Variants in SOX6 observed in about 807,000 individuals in gnomAD.
SOX6 encodes the protein transcription factor SOX-6.
Under a neutral mutation model 97.8 loss-of-function variants are expected in SOX6, and 11 were observed. The observed-to-expected ratio is 0.11, with a 90% CI of 0.07 to 0.19. The LOEUF is 0.19. Ranked by LOEUF, SOX6 falls within the 10% of genes least tolerant of loss-of-function variation. The pLI is 1.00. For missense variants in SOX6, 810 were observed against 1,039.5 expected (o/e 0.78, Z 3.04); for synonymous variants, 360 against 371.4 (o/e 0.97, Z 0.35).
chr11:16,046,438 T>C (rs1425056550), intron 12 of SOX6, 76 bp downstream of exon 12: 2 of 1,529,920 alleles, frequency 1.3e-6, no homozygotes, highest in Non-Finnish European at 1.8e-6. Context: ...GGTTGATACC[T>C]GGGAGCCTGG....
At chr11:16,282,328 G>A (rs913275956) in intron 3 of SOX6, among the ~76,000 whole-genome samples, 3 of 151,304 alleles carry the variant, frequency 2.0e-5, no homozygotes, top group African/African-American at 7.3e-5. Context: ...GTCTTTATTG[G>A]AAAGAAATAC....
At chr11:16,567,179 T>C (rs2133196108) in intron 4 of SOX6, 1 of 152,380 alleles carries the variant, frequency 6.6e-6, no homozygotes, top group East Asian at 1.9e-4. Context: ...TGAAAATGTG[T>C]GGTGGGCTTA....
intron 12 of SOX6, among the ~76,000 whole-genome samples, chr11:16,035,485 T>G (rs775608168): frequency 2.6e-5 from 4 of 152,192 alleles, no homozygotes; most frequent in Non-Finnish European, 5.9e-5. Flanking sequence ...ATTATTATGT[T>G]CTTAAAACTG....
At chr11:16,266,625 A>G (rs1412934769) in intron 3 of SOX6, among the ~76,000 whole-genome samples, 1 of 151,612 alleles carries the variant, frequency 6.6e-6, no homozygotes, top group African/African-American at 2.4e-5. Context: ...TAGAATCCAA[A>G]TGTATAACAA....
At chr11:16,595,413 A>G (rs566273814) in intron 4 of SOX6, among the ~76,000 whole-genome samples, 2 of 152,150 alleles carry the variant, frequency 1.3e-5, no homozygotes, top group Non-Finnish European at 2.9e-5. Context: ...GAGCTTCCAA[A>G]CTAAAAATAT....
At chr11:16,132,342 G>A (rs867852915) in intron 6 of SOX6, among the ~76,000 whole-genome samples, 9 of 21,220 alleles carry the variant, frequency 4.2e-4, no homozygotes, top group African/African-American at 1.4e-3. Flanking sequence ...AAAGAAAAAA[G>A]AAAGAAAGAA....
At chr11:16,371,404 T>C (rs537844527) in intron 1 of SOX6, among the ~76,000 whole-genome samples, 1 of 152,178 alleles carries the variant, frequency 6.6e-6, no homozygotes, top group South Asian at 2.1e-4. Context: ...CTATCCCCCT[T>C]TTTTGTTTTA....
In SOX6 at chr11:16,055,855, G is replaced by A; in HGVS notation, c.1148C>T (p.Ala383Val). ...TGGCTGTGGAGTTGATGGCATCTTT[G>A]CTCCAGGTGACACCTGCATGCTGGC... is the stretch of plus-strand genomic sequence containing the variant. Reference protein sequence around the residue: ...QLASMQVSPGAKMPSTPQPPN... With the variant: ...QLASMQVSPGVKMPSTPQPPN... Residue 383 changes from alanine to valine, a missense_variant, in exon 10 of 16, where the codon GCA becomes GTA. Ala to Val is a moderately conservative substitution (Grantham distance 64, BLOSUM62 0). This residue lies in a region of SOX6 where 244 missense variants were observed against 261.0 expected (regional missense o/e 0.93). Transcript: ENST00000683767. 6.2e-7 allele frequency: 1 copy of A among 1,613,766 alleles called. No homozygotes were observed. Among genetic ancestry groups the A allele is most frequent in the Non-Finnish European group, 8.5e-7 (1 of 1,179,842 alleles).
At chr11:15,986,179 G>A (rs760823724) in intron 15 of SOX6, 25 bp downstream of exon 15, 3 of 1,605,844 alleles carry the variant, frequency 1.9e-6, no homozygotes, top group Non-Finnish European at 1.7e-6. Flanking sequence ...GTAAAGCCCA[G>A]GTGGCTAAAT....
intron 10 of SOX6, 58 bp downstream of exon 10, chr11:16,055,694 A>G (rs535286217): frequency 3.1e-6 from 5 of 1,609,712 alleles, no homozygotes; most frequent in African/African-American, 2.7e-5. Context: ...CTGCTTCACT[A>G]TCTTTCTTGT....
rs12419114 is a variant in SOX6 at position 16,461,564 on chromosome 11, C to T, written c.-5+14751G>A. Among the ~76,000 whole-genome samples, 722 of 152,232 alleles carry T rather than the reference C, an allele frequency of 4.7e-3. 4 individuals are homozygous for T. The highest frequency in any genetic ancestry group is 0.01 in the Admixed American group (155 of 15,280). The stretch of plus-strand genomic sequence containing the variant: ...TACTATGTGCTTCCATTCGTCTAGC[C>T]CATATTCCCCACACTTGTGCTAGTC... On this transcript the variant is annotated intron_variant, in intron 1 of 15. Coordinates refer to the SOX6 transcript ENST00000396356.
At chr11:16,650,801 G>A (rs1484222248) in intron 3 of SOX6, among the ~76,000 whole-genome samples, 1 of 149,774 alleles carries the variant, frequency 6.7e-6, no homozygotes. Flanking sequence ...AATTGAAACA[G>A]AAAAAAAAAA....
chr11:16,616,847 TA>T (rs1444461035), intron 3 of SOX6, among the ~76,000 whole-genome samples: 5 of 151,932 alleles, frequency 3.3e-5, no homozygotes, highest in Non-Finnish European at 2.9e-5. Flanking sequence ...GATATATCTA[TA>T]AAAAACCTTT....
intron 3 of SOX6, among the ~76,000 whole-genome samples, chr11:16,297,300 C>T (rs550488971): frequency 6.6e-6 from 1 of 152,030 alleles, no homozygotes; most frequent in South Asian, 2.1e-4. Flanking sequence ...AAAAAAAATT[C>T]CATAAATTAC....
intron 4 of SOX6, among the ~76,000 whole-genome samples, chr11:16,538,979 T>C (rs1861357745): frequency 1.3e-5 from 2 of 152,166 alleles, no homozygotes; most frequent in South Asian, 4.1e-4. Context: ...GTGGACCTAA[T>C]AGACATCTAC....
chr11:16,714,788 A>T (rs1848208320), intron 3 of SOX6: 1 of 152,162 alleles, frequency 6.6e-6, no homozygotes, highest in Admixed American at 6.5e-5. Flanking sequence ...TATGTCTACC[A>T]GATGTGTCTC....
chr11:16,060,470 G>C (rs1326596267), intron 9 of SOX6, among the ~76,000 whole-genome samples: 1 of 151,768 alleles, frequency 6.6e-6, no homozygotes, highest in Non-Finnish European at 1.5e-5. Flanking sequence ...TAGTAGAATG[G>C]GCCTTGAAAT....
chr11:16,443,567 A>T (rs1265845325), intron 1 of SOX6, among the ~76,000 whole-genome samples: 1 of 152,144 alleles, frequency 6.6e-6, no homozygotes, highest in African/African-American at 2.4e-5. Context: ...TTCTTTTAAA[A>T]ATATTTTATT....
chr11:16,587,213 T>C (rs999963626), intron 4 of SOX6, among the ~76,000 whole-genome samples: 2 of 152,206 alleles, frequency 1.3e-5, no homozygotes, highest in African/African-American at 2.4e-5. Flanking sequence ...AGAAATACCA[T>C]AGAACTTCAA....
Sources: allele counts gnomAD v4.1 joint callset (sites outside exome capture counted in the v4.1 genomes callset), GRCh38; gene constraint gnomAD v4.1.1; regional missense constraint gnomAD v4.1.1; transcripts MANE v1.5; gene names NCBI Gene and HGNC (gene_info 2026-07-23, HGNC 2026-07-21).